The following SHROOM3 variants were observed in gnomAD, a reference collection of about 807,000 sequenced individuals.
SHROOM3 encodes the protein protein Shroom3.
A neutral mutation model predicts 138.6 loss-of-function variants in SHROOM3; 47 were observed. The observed-to-expected ratio is 0.34, with a 90% confidence interval of 0.27 to 0.43. SHROOM3 has a LOEUF of 0.43. Ranked by LOEUF, SHROOM3 falls within the 20% of genes least tolerant of loss-of-function variation. The pLI is 1.00. For missense variants in SHROOM3, 2,491 were observed against 2,596.5 expected (o/e 0.96, Z 0.88); for synonymous variants, 1,062 against 1,063.3 (o/e 1.00, Z 0.02).
intron 10 of SHROOM3, 44 bp downstream of exon 10, chr4:76,770,942 C>T (rs750717874): frequency 6.2e-7 from 1 of 1,611,832 alleles, no homozygotes; most frequent in Non-Finnish European, 8.5e-7. Flanking sequence ...TCCCTCAAAG[C>T]CCACATACAT....
intron 1 of SHROOM3, among the ~76,000 whole-genome samples, chr4:76,555,049 C>T (rs1305568520): frequency 1.3e-5 from 2 of 151,630 alleles, no homozygotes; most frequent in African/African-American, 4.8e-5. Context: ...TTGCGGGAAA[C>T]AAGCTCAGGG....
chr4:76,611,252 G>GTCTC (rs143392800), intron 2 of SHROOM3, among the ~76,000 whole-genome samples: 13 of 149,432 alleles, frequency 8.7e-5, no homozygotes, highest in African/African-American at 2.7e-4. Flanking sequence ...CTCTCTCTGT[G>GTCTC]TCTCTCTCTC....
chr4:76,750,868 G>A (rs1485920232), intron 6 of SHROOM3, among the ~76,000 whole-genome samples: 2 of 151,508 alleles, frequency 1.3e-5, no homozygotes, highest in Non-Finnish European at 2.9e-5. Context: ...AATATGACAA[G>A]CATCGCATAC....
At chr4:76,735,321 G>A (rs1721002423) in intron 4 of SHROOM3, among the ~76,000 whole-genome samples, 1 of 152,100 alleles carries the variant, frequency 6.6e-6, no homozygotes, top group Non-Finnish European at 1.5e-5. Context: ...GGAAGAACTT[G>A]TCCTAGTGAG....
intron 1 of SHROOM3, among the ~76,000 whole-genome samples, chr4:76,475,098 G>A (rs543476119): frequency 1.3e-5 from 2 of 152,172 alleles, no homozygotes; most frequent in African/African-American, 4.8e-5. Flanking sequence ...GAATACATAT[G>A]ATTTTAGAAA....
chr4:76,456,358 C>T (rs1021597697), intron 1 of SHROOM3, among the ~76,000 whole-genome samples: 2 of 152,164 alleles, frequency 1.3e-5, no homozygotes, highest in South Asian at 2.1e-4. Context: ...ATACAATGCA[C>T]GCACATCACT....
At chr4:76,585,178 T>C (rs1734127310) in intron 2 of SHROOM3, among the ~76,000 whole-genome samples, 1 of 152,210 alleles carries the variant, frequency 6.6e-6, no homozygotes, top group South Asian at 2.1e-4. Flanking sequence ...ATAATGCCAC[T>C]GTGAATTCAG....
At chr4:76,647,552 T>C (rs543354574) in intron 2 of SHROOM3, among the ~76,000 whole-genome samples, 3 of 152,324 alleles carry the variant, frequency 2.0e-5, no homozygotes, top group African/African-American at 7.2e-5. Context: ...ATATTATGTA[T>C]TAATAAAAAT....
intron 2 of SHROOM3, among the ~76,000 whole-genome samples, chr4:76,694,273 A>G (rs1719658100): frequency 6.6e-6 from 1 of 152,188 alleles, no homozygotes; most frequent in African/African-American, 2.4e-5. Flanking sequence ...AAGGGTTCAT[A>G]GACACTCCAG....
At chr4:76,624,565 C>T (rs1239783083) in intron 2 of SHROOM3, among the ~76,000 whole-genome samples, 4 of 152,082 alleles carry the variant, frequency 2.6e-5, no homozygotes, top group South Asian at 2.1e-4. Context: ...CATGAGAATT[C>T]CCAGCAGTTA....
rs146003977 is a variant in SHROOM3 at position 76,738,608 on chromosome 4, A to C, written c.588-153A>C. Among the ~76,000 whole-genome samples, 214 of 152,324 alleles carry C rather than the reference A, an allele frequency of 1.4e-3. 1 individual carries two copies. The highest frequency in any genetic ancestry group is 5.0e-3 in the African/African-American group (209 of 41,572). On this transcript the variant is annotated intron_variant, in intron 4 of 10. Coordinates refer to ENST00000296043, the MANE Select transcript of SHROOM3 (RefSeq NM_020859.4). Reference sequence around the variant, plus strand: ...TTACTCCTAGCGATGACACAGAAGGAGGCTGAGCAAGGCCCAAATATGGCC... The same window carrying C: ...TTACTCCTAGCGATGACACAGAAGGCGGCTGAGCAAGGCCCAAATATGGCC...
intron 1 of SHROOM3, among the ~76,000 whole-genome samples, chr4:76,490,091 G>C (rs1731818958): frequency 6.6e-6 from 1 of 152,158 alleles, no homozygotes; most frequent in South Asian, 2.1e-4. Context: ...CAATCAGTCT[G>C]ATTGGTTACA....
chr4:76,551,040 C>CT (rs1378103768), intron 1 of SHROOM3, among the ~76,000 whole-genome samples: 5 of 151,370 alleles, frequency 3.3e-5, no homozygotes, highest in African/African-American at 1.2e-4. Flanking sequence ...GGGTCTCCCT[C>CT]TGTTGCCCAG....
intron 1 of SHROOM3, among the ~76,000 whole-genome samples, chr4:76,536,986 G>A (rs1317612712): frequency 6.6e-6 from 1 of 152,084 alleles, no homozygotes; most frequent in African/African-American, 2.4e-5. Context: ...GGTGGCAGGA[G>A]CCTGTAATCC....
chr4:76,451,459 A>G (rs1730924297), intron 1 of SHROOM3, among the ~76,000 whole-genome samples: 1 of 152,206 alleles, frequency 6.6e-6, no homozygotes, highest in Non-Finnish European at 1.5e-5. Flanking sequence ...AATTTTTAAA[A>G]CCAGTCATTG....
At chr4:76,590,989 T>G (rs1033830426) in intron 2 of SHROOM3, among the ~76,000 whole-genome samples, 1 of 152,188 alleles carries the variant, frequency 6.6e-6, no homozygotes, top group Non-Finnish European at 1.5e-5. Flanking sequence ...GGTATGAATA[T>G]CGAATCTGTG....
chr4:76,555,678 A>C lies in SHROOM3; in HGVS notation c.238A>C (p.Asn80His). 1 of 1,614,064 alleles carries C rather than the reference A, an allele frequency of 6.2e-7. No individual in the cohort carries two copies. The highest frequency in any genetic ancestry group is 8.5e-7 in the Non-Finnish European group (1 of 1,179,994). The change falls in exon 2 of 11, where the codon AAT becomes CAT. Residue 80 changes from asparagine to histidine, a missense_variant. Asn to His is a moderately conservative substitution (Grantham distance 68). This residue lies in a region of SHROOM3 where 284 missense variants were observed against 322.8 expected (regional missense o/e 0.88). Coordinates refer to ENST00000296043, the MANE Select transcript of SHROOM3 (RefSeq NM_020859.4). The stretch of plus-strand genomic sequence containing the variant: ...GGCTGGGGATGAGGTTGTGCACATC[A>C]ATGAGGTGACTCTGAGCAGCTCCAG... ...LQAGDEVVHI[N>H]EVTLSSSRKE...
intron 2 of SHROOM3, among the ~76,000 whole-genome samples, chr4:76,693,384 T>TTTTTTG (rs1719623305): frequency 3.9e-5 from 5 of 129,012 alleles, no homozygotes; most frequent in Admixed American, 1.7e-4. Flanking sequence ...TTTTTTTTTT[T>TTTTTTG]TTTTTTTTTA....
intron 4 of SHROOM3, among the ~76,000 whole-genome samples, chr4:76,738,456 C>A (rs1217162732): frequency 6.6e-6 from 1 of 152,196 alleles, no homozygotes; most frequent in Non-Finnish European, 1.5e-5. Context: ...TCATTTCCAG[C>A]ATGCAGCAAA....
Sources: gnomAD v4.1 joint callset for allele counts (sites outside exome capture counted in the v4.1 genomes callset) on GRCh38, gnomAD v4.1.1 for gene constraint, gnomAD v4.1.1 regional missense constraint, MANE v1.5 for transcripts, NCBI Gene and HGNC (gene_info 2026-07-23, HGNC 2026-07-21) for gene names.